Variants in SRPK1 observed in about 807,000 individuals in gnomAD.
The protein encoded by SRPK1 is SFRS protein kinase 1.
In SRPK1, 52 loss-of-function variants were observed where a neutral mutation model predicts 89.5. The observed-to-expected ratio is 0.58, with a 90% CI of 0.46 to 0.73. The LOEUF is 0.73. Ranked by LOEUF, SRPK1 falls within the 30% of genes least tolerant of loss-of-function variation. The pLI is 0.00. For synonymous variants in SRPK1, 255 were observed against 270.2 expected (o/e 0.94, Z 0.55); for missense variants, 603 against 780.6 (o/e 0.77, Z 2.71).
At chr6:35,909,490 G>C (rs1171654588) in intron 2 of SRPK1, among the ~76,000 whole-genome samples, 3 of 152,178 alleles carry the variant, frequency 2.0e-5, no homozygotes, top group Non-Finnish European at 4.4e-5. Context: ...TTGGACTTGG[G>C]ACTCTTGAGT....
At chr6:35,888,222 T>G (rs1770449631) in intron 4 of SRPK1, 111 bp from the exon 5 acceptor site, 2 of 606,654 alleles carry the variant, frequency 3.3e-6, no homozygotes, top group Non-Finnish European at 2.7e-6. Flanking sequence ...CACGTTTCCC[T>G]GTAGCCCAAA....
intron 6 of SRPK1, among the ~76,000 whole-genome samples, chr6:35,885,695 G>T (rs1184343183): frequency 6.6e-6 from 1 of 152,170 alleles, no homozygotes; most frequent in African/African-American, 2.4e-5. Flanking sequence ...CTTATAAACA[G>T]GTGATTTTAG....
chr6:35,841,393 C>T (rs940664125), intron 14 of SRPK1, among the ~76,000 whole-genome samples: 1 of 152,166 alleles, frequency 6.6e-6, no homozygotes, highest in African/African-American at 2.4e-5. Flanking sequence ...TGGTTCCATA[C>T]AGCATGAAAT....
At chr6:35,863,208 A>G (rs1333140795) in intron 12 of SRPK1, among the ~76,000 whole-genome samples, 2 of 152,064 alleles carry the variant, frequency 1.3e-5, no homozygotes, top group African/African-American at 2.4e-5. Flanking sequence ...ATACATTTGA[A>G]AGCCTCAATA....
At chr6:35,857,420 G>A (rs1769688007) in intron 12 of SRPK1, 52 bp from the exon 13 acceptor site, 13 of 1,345,188 alleles carry the variant, frequency 9.7e-6, no homozygotes, top group Non-Finnish European at 1.3e-5. Flanking sequence ...AAAGTAACAA[G>A]TCAATACTGC....
intron 2 of SRPK1, among the ~76,000 whole-genome samples, chr6:35,894,797 C>A (rs938044376): frequency 4.6e-5 from 7 of 152,026 alleles, no homozygotes; most frequent in Non-Finnish European, 1.0e-4. Context: ...TAAAGTTTTT[C>A]AAATATGGAC....
Position 35,915,958 on chromosome 6 carries a change from C to T in SRPK1, c.74+4510G>A, listed in dbSNP as rs1446060891. Among the ~76,000 whole-genome samples the T allele has an allele frequency of 5.3e-4, 56 of 105,740 alleles. 1 individual carries two copies. Among genetic ancestry groups the T allele is most frequent in the Non-Finnish European group, 9.1e-4 (50 of 55,202 alleles). 69.4% of individuals were successfully genotyped at this position (105,740 alleles called of 152,430 possible). On this transcript the variant is annotated intron_variant, in intron 2 of 15. Coordinates refer to ENST00000373825, the MANE Select transcript of SRPK1 (RefSeq NM_003137.5). ...CTGAACTCCAGCCTGGGCGACAGAACGAGACTCTGTCTCAAAAACAAAAAA... is the reference window on the plus strand; with the variant it reads ...CTGAACTCCAGCCTGGGCGACAGAATGAGACTCTGTCTCAAAAACAAAAAA...
chr6:35,895,050 A>G (rs1435245380), intron 2 of SRPK1, among the ~76,000 whole-genome samples: 1 of 152,190 alleles, frequency 6.6e-6, no homozygotes, highest in Non-Finnish European at 1.5e-5. Flanking sequence ...AAAAACAAAG[A>G]CAAGAAAGTA....
At chr6:35,885,525 CA>C in intron 6 of SRPK1, among the ~76,000 whole-genome samples, 1 of 152,250 alleles carries the variant, frequency 6.6e-6, no homozygotes, top group East Asian at 1.9e-4. Context: ...CTTCTCTGTT[CA>C]AATCTCTTCC....
chr6:35,891,120 G>T, intron 2 of SRPK1, 107 bp from the exon 3 acceptor site: 1 of 1,303,678 alleles, frequency 7.7e-7, no homozygotes, highest in Non-Finnish European at 1.0e-6. Flanking sequence ...AATATGAACA[G>T]AGTATTACCA....
intron 2 of SRPK1, among the ~76,000 whole-genome samples, chr6:35,916,005 CA>C (rs1771091741): frequency 1.6e-5 from 1 of 61,768 alleles, no homozygotes; most frequent in Non-Finnish European, 3.3e-5. Flanking sequence ...TATACACACA[CA>C]CACACACACA....
intron 2 of SRPK1, among the ~76,000 whole-genome samples, chr6:35,910,142 C>T (rs1414923624): frequency 6.6e-6 from 1 of 152,152 alleles, no homozygotes; most frequent in African/African-American, 2.4e-5. Context: ...CGCCACCGCA[C>T]CCGACTAATT....
intron 2 of SRPK1, among the ~76,000 whole-genome samples, chr6:35,909,137 T>G (rs924289286): frequency 6.6e-6 from 1 of 152,156 alleles, no homozygotes; most frequent in Non-Finnish European, 1.5e-5. Flanking sequence ...GAAGGGTAGA[T>G]CCACCAATAG....
intron 13 of SRPK1, among the ~76,000 whole-genome samples, chr6:35,851,704 C>A (rs563838217): frequency 6.6e-6 from 1 of 152,018 alleles, no homozygotes; most frequent in Non-Finnish European, 1.5e-5. Flanking sequence ...CAAATGGAGT[C>A]GTCAAGCAGA....
At chr6:35,870,571 T>C in intron 9 of SRPK1, 77 bp from the exon 10 acceptor site, 1 of 1,293,330 alleles carries the variant, frequency 7.7e-7, no homozygotes, top group East Asian at 2.5e-5. Context: ...TTGTTAACTT[T>C]AATTACTTCC....
Position 35,874,293 on chromosome 6 carries a change from C to A in SRPK1, c.525G>T (p.Trp175Cys). 1.2e-6 allele frequency: 2 copies of A among 1,613,326 alleles called. No individual in the cohort carries two copies. Among genetic ancestry groups the A allele is most frequent in the South Asian group, 1.1e-5 (1 of 90,888 alleles). ...GCCCCTGATAATTGGATTTGATGAT[C>A]CACTTGAGCAGATGATGCCCCAAAA... The part of the protein sequence containing the change: ...FEVLGHHLLK[W>C]IIKSNYQGLP... The change falls in exon 7 of 16, where the codon TGG (tryptophan) becomes TGT (cysteine). Residue 175 changes from tryptophan to cysteine, a missense_variant. Physicochemically the swap from Trp to Cys is radical, Grantham distance 215. Transcript: ENST00000373825.
At chr6:35,913,556 T>A (rs1246384531) in intron 2 of SRPK1, among the ~76,000 whole-genome samples, 1 of 152,018 alleles carries the variant, frequency 6.6e-6, no homozygotes, top group African/African-American at 2.4e-5. Context: ...TCCAACACTT[T>A]GGGAGGCCAG....
In SRPK1 at chr6:35,835,525, A is replaced by C. The variant is rs750527500; in HGVS notation, c.1784-37T>G. On this transcript the variant is annotated intron_variant, in intron 15 of 15. Coordinates refer to ENST00000373825, the MANE Select transcript of SRPK1 (RefSeq NM_003137.5). ...ACAGTACAGAAAAAGCCACTGATCA[A>C]CACAGACAAATGACAAGGTACTCTT... 5 of 1,559,546 alleles carry C rather than the reference A, an allele frequency of 3.2e-6. No individual in the cohort carries two copies. The South Asian group carries it at 3.6e-5, about 11-fold the overall frequency.
chr6:35,862,900 C>G (rs986855694), intron 12 of SRPK1, among the ~76,000 whole-genome samples: 1 of 152,132 alleles, frequency 6.6e-6, no homozygotes. Context: ...CACAGTTGCT[C>G]ACATCTGTAA....
Sources: gnomAD v4.1 joint callset for allele counts (sites outside exome capture counted in the v4.1 genomes callset) on GRCh38, gnomAD v4.1.1 for gene constraint, MANE v1.5 for transcripts, NCBI Gene and HGNC (gene_info 2026-07-23, HGNC 2026-07-21) for gene names.